Variants in EDIL3 observed in about 807,000 individuals in gnomAD.
EDIL3 encodes the protein EGF-like repeat and discoidin I-like domain-containing protein 3.
In EDIL3, 37 loss-of-function variants were observed where a neutral mutation model predicts 67.4. The observed-to-expected ratio is 0.55, with a 90% CI of 0.42 to 0.72. The LOEUF is 0.72. Among genes scored for constraint, EDIL3 ranks in the 30% least tolerant of loss-of-function variants. The probability of loss-of-function intolerance (pLI) is 0.00; values close to 1 mark genes in which losing one functional copy is unlikely to be tolerated. For synonymous variants in EDIL3, 195 were observed against 196.3 expected, an observed-to-expected ratio of 0.99 and a Z score of 0.05; for missense variants, 527 against 586.3, an observed-to-expected ratio of 0.90 and a Z score of 1.04.
chr5:84,032,216 T>C (rs915831204), intron 9 of EDIL3, among the ~76,000 whole-genome samples: 2 of 152,206 alleles, frequency 1.3e-5, no homozygotes, highest in African/African-American at 4.8e-5. Flanking sequence ...TGTAATCCAC[T>C]GGCATAACCT....
At position 83,957,790 on chromosome 5, in the gene EDIL3, A is replaced by G. The variant is rs1744539529; in HGVS notation, c.1293+5415T>C. 2.0e-5 allele frequency among the ~76,000 whole-genome samples: 3 copies of G among 151,670 alleles called. No homozygotes were observed. The Admixed American group carries it at 2.0e-4, about 10-fold the overall frequency. The stretch of plus-strand genomic sequence containing the variant: ...GTTATATTTTGACTTTCCCAAATAA[A>G]CGGATTAAATCAAAATTTTTCCACC... On this transcript the variant is annotated intron_variant, in intron 10 of 10. Coordinates refer to ENST00000296591, the MANE Select transcript of EDIL3 (RefSeq NM_005711.5).
At position 84,074,912 on chromosome 5, in the gene EDIL3, C is replaced by T. The variant is rs1360357652; in HGVS notation, c.652-8306G>A. Among the ~76,000 whole-genome samples, 218 of 152,176 alleles carry T rather than the reference C, an allele frequency of 1.4e-3. 1 individual carries two copies. The highest frequency in any genetic ancestry group is 4.9e-3 in the African/African-American group (205 of 41,482). On this transcript the variant is annotated intron_variant, in intron 6 of 10. Coordinates refer to ENST00000296591, the MANE Select transcript of EDIL3 (RefSeq NM_005711.5). ...GACACATGCACACGTATGTTTATTG[C>T]GGCACTATTCACAATAGCAAAGACT...
intron 9 of EDIL3, among the ~76,000 whole-genome samples, chr5:83,999,103 C>G (rs563633543): frequency 3.7e-4 from 57 of 152,248 alleles, no homozygotes; most frequent in African/African-American, 1.3e-3. Context: ...GCACATGTGG[C>G]TGCAATGACC....
intron 9 of EDIL3, among the ~76,000 whole-genome samples, chr5:83,967,948 G>C (rs897123830): frequency 6.6e-6 from 1 of 152,062 alleles, no homozygotes; most frequent in Non-Finnish European, 1.5e-5. Context: ...TGACTTCATA[G>C]AGTTTGTAAA....
At chr5:84,283,072 A>C (rs1745735923) in intron 1 of EDIL3, among the ~76,000 whole-genome samples, 1 of 152,040 alleles carries the variant, frequency 6.6e-6, no homozygotes, top group Non-Finnish European at 1.5e-5. Flanking sequence ...CTGTGAAAGA[A>C]GGTAAGCTGG....
intron 3 of EDIL3, among the ~76,000 whole-genome samples, chr5:84,184,785 C>G (rs938181418): frequency 6.6e-6 from 1 of 152,178 alleles, no homozygotes; most frequent in Admixed American, 6.5e-5. Flanking sequence ...CTTGGGGCAG[C>G]CTCTGGGATT....
At chr5:84,316,782 T>A (rs1226772096) in intron 1 of EDIL3, among the ~76,000 whole-genome samples, 4 of 152,066 alleles carry the variant, frequency 2.6e-5, no homozygotes, top group African/African-American at 9.7e-5. Flanking sequence ...TACAGAACTC[T>A]CCACCCTAAA....
At chr5:84,093,261 A>C (rs1213843544) in intron 6 of EDIL3, among the ~76,000 whole-genome samples, 1 of 151,594 alleles carries the variant, frequency 6.6e-6, no homozygotes, top group Non-Finnish European at 1.5e-5. Context: ...AGTTTTATTT[A>C]AAGGTGCCAT....
At chr5:84,164,655 A>G (rs1180211227) in intron 4 of EDIL3, among the ~76,000 whole-genome samples, 3 of 152,052 alleles carry the variant, frequency 2.0e-5, no homozygotes, top group African/African-American at 7.2e-5. Flanking sequence ...GTGTGCTCTT[A>G]TCACTCACTT....
At chr5:84,361,656 CT>C (rs563307355) in intron 1 of EDIL3, among the ~76,000 whole-genome samples, 223 of 150,680 alleles carry the variant, frequency 1.5e-3, no homozygotes, top group Non-Finnish European at 2.2e-3. Context: ...GAAATGTTGA[CT>C]TTTTTTTATA....
intron 4 of EDIL3, among the ~76,000 whole-genome samples, chr5:84,157,661 T>C (rs1748517773): frequency 6.6e-6 from 1 of 152,032 alleles, no homozygotes; most frequent in Non-Finnish European, 1.5e-5. Flanking sequence ...ATAACTCTGT[T>C]CCTAACAGTG....
At chr5:83,967,216 G>T (rs1272745227) in intron 9 of EDIL3, among the ~76,000 whole-genome samples, 2 of 152,090 alleles carry the variant, frequency 1.3e-5, no homozygotes, top group Non-Finnish European at 2.9e-5. Flanking sequence ...AGCTACTTGG[G>T]AGGTTGAGGT....
intron 9 of EDIL3, among the ~76,000 whole-genome samples, chr5:84,031,935 G>A (rs542503406): frequency 1.8e-4 from 27 of 152,308 alleles, no homozygotes; most frequent in Middle Eastern, 3.4e-3. Context: ...GAGCCATAAT[G>A]AAGAGAAGCA....
chr5:84,310,982 T>C (rs992681329), intron 1 of EDIL3, among the ~76,000 whole-genome samples: 1 of 152,180 alleles, frequency 6.6e-6, no homozygotes, highest in Non-Finnish European at 1.5e-5. Context: ...TATTCTATCA[T>C]GTCTGTTTTT....
chr5:84,079,463 C>T (rs1201661432), intron 6 of EDIL3, among the ~76,000 whole-genome samples: 3 of 151,904 alleles, frequency 2.0e-5, no homozygotes, highest in Non-Finnish European at 4.4e-5. Flanking sequence ...AATACTCAGT[C>T]AGTGTCCACT....
intron 9 of EDIL3, among the ~76,000 whole-genome samples, chr5:83,994,330 AG>A (rs1345841674): frequency 6.6e-6 from 1 of 151,918 alleles, no homozygotes; most frequent in East Asian, 1.9e-4. Flanking sequence ...TTTTTGGAAG[AG>A]GATTTAAAAC....
intron 3 of EDIL3, among the ~76,000 whole-genome samples, chr5:84,210,670 A>G (rs963369452): frequency 1.3e-5 from 2 of 152,194 alleles, no homozygotes; most frequent in Non-Finnish European, 2.9e-5. Context: ...GAACACACAG[A>G]GTTACCACTG....
At chr5:83,945,101 A>G (rs1308587136) in intron 10 of EDIL3, among the ~76,000 whole-genome samples, 2 of 152,004 alleles carry the variant, frequency 1.3e-5, no homozygotes, top group Non-Finnish European at 2.9e-5. Flanking sequence ...ACAAGACTGA[A>G]AAGTCTCTCT....
At chr5:84,100,597 C>T (rs1293226388) in intron 6 of EDIL3, among the ~76,000 whole-genome samples, 3 of 151,954 alleles carry the variant, frequency 2.0e-5, no homozygotes, top group Admixed American at 6.6e-5. Context: ...GGGGAGGGAT[C>T]GCATTAGGAG....
Sources: allele counts gnomAD v4.1 joint callset (sites outside exome capture counted in the v4.1 genomes callset), GRCh38; gene constraint gnomAD v4.1.1; transcripts MANE v1.5; gene names NCBI Gene and HGNC (gene_info 2026-07-23, HGNC 2026-07-21).